Variants in DOCK3 observed in about 807,000 individuals in gnomAD.
DOCK3 encodes dedicator of cytokinesis protein 3.
DOCK3 carries 60 observed loss-of-function variants against 265.6 expected under a neutral mutation model. The observed-to-expected ratio is 0.23, with a 90% confidence interval of 0.18 to 0.28. The LOEUF (loss-of-function observed/expected upper bound fraction) is 0.28, where lower values mean the gene tolerates loss of function less well. Among genes scored for constraint, DOCK3 ranks in the 10% least tolerant of loss-of-function variants. The probability of loss-of-function intolerance (pLI) is 1.00; values close to 1 mark genes in which losing one functional copy is unlikely to be tolerated. For missense variants in DOCK3, 1,981 were observed against 2,594.3 expected (o/e 0.76, Z 5.14); for synonymous variants, 881 against 938.0 (o/e 0.94, Z 1.11).
chr3:50,886,718 C>A (rs2048360951), intron 3 of DOCK3, among the ~76,000 whole-genome samples: 1 of 151,798 alleles, frequency 6.6e-6, no homozygotes, highest in South Asian at 2.1e-4. Context: ...CAATTTCATC[C>A]ATGTCCCTAC....
intron 23 of DOCK3, among the ~76,000 whole-genome samples, chr3:51,263,101 C>T (rs1266854111): frequency 2.0e-5 from 3 of 151,958 alleles, no homozygotes; most frequent in Non-Finnish European, 4.4e-5. Flanking sequence ...GAAGAGCAGC[C>T]CCAAGACACA....
At chr3:50,830,336 C>G (rs1197942465) in intron 2 of DOCK3, among the ~76,000 whole-genome samples, 1 of 152,180 alleles carries the variant, frequency 6.6e-6, no homozygotes, top group Non-Finnish European at 1.5e-5. Flanking sequence ...TGTTATTAAA[C>G]TACTTTTAAT....
chr3:51,069,098 CTT>C (rs2081739737), intron 6 of DOCK3, among the ~76,000 whole-genome samples: 1 of 152,152 alleles, frequency 6.6e-6, no homozygotes, highest in African/African-American at 2.4e-5. Context: ...GTGACTTAAA[CTT>C]ATTGGCCTAT....
chr3:50,848,499 C>T (rs780364610), intron 3 of DOCK3, among the ~76,000 whole-genome samples: 3 of 152,142 alleles, frequency 2.0e-5, no homozygotes, highest in Non-Finnish European at 4.4e-5. Context: ...AACAAATTTC[C>T]TTAGTGCGTG....
At chr3:51,110,891 ATC>A in intron 9 of DOCK3, among the ~76,000 whole-genome samples, 1 of 152,314 alleles carries the variant, frequency 6.6e-6, no homozygotes, top group African/African-American at 2.4e-5. Context: ...AAGTCAGTCT[ATC>A]TCTGTTTTCA....
At chr3:50,989,716 A>G (rs1232437621) in intron 5 of DOCK3, among the ~76,000 whole-genome samples, 2 of 152,238 alleles carry the variant, frequency 1.3e-5, no homozygotes, top group Non-Finnish European at 1.5e-5. Context: ...AACCAATGTA[A>G]GAACTCTGGT....
chr3:50,719,898 C>G, intron 1 of DOCK3: 1 of 616,202 alleles, frequency 1.6e-6, no homozygotes, highest in South Asian at 1.7e-5. Flanking sequence ...GAAACTTTGT[C>G]TGCTAACAGC....
At chr3:50,872,053 TA>T (rs1238766839) in intron 3 of DOCK3, among the ~76,000 whole-genome samples, 1 of 152,240 alleles carries the variant, frequency 6.6e-6, no homozygotes, top group Admixed American at 6.5e-5. Context: ...TTATTTAGTT[TA>T]TTTGGTAAGG....
chr3:51,254,599 T>C (rs575127371), intron 22 of DOCK3, among the ~76,000 whole-genome samples: 3 of 152,396 alleles, frequency 2.0e-5, no homozygotes, highest in African/African-American at 7.2e-5. Flanking sequence ...TCTCATTGAA[T>C]TGATCCCTTT....
At chr3:51,220,670 A>AT (rs1491190890) in intron 14 of DOCK3, among the ~76,000 whole-genome samples, 75 of 108,048 alleles carry the variant, frequency 6.9e-4, no homozygotes, top group Admixed American at 1.8e-3. Flanking sequence ...AAAAAAAAAA[A>AT]ATATATATAT....
rs759290008 is a variant in DOCK3 at position 51,225,658 on chromosome 3, G to A, written c.1262G>A (p.Arg421His). ...FPDVIMPGDI[R>H]NDLYLTLEKG... ...ATTTCTTTCCCCGCAGGTGATATCCGCAATGACCTGTACCTAACCCTGGAG... is the reference window on the plus strand; with the variant it reads ...ATTTCTTTCCCCGCAGGTGATATCCACAATGACCTGTACCTAACCCTGGAG... Residue 421 changes from arginine to histidine, a missense_variant, in exon 15 of 53, where the codon CGC (arginine) becomes CAC (histidine). Coordinates refer to ENST00000266037, the MANE Select transcript of DOCK3 (RefSeq NM_004947.5). 9.9e-6 allele frequency: 16 copies of A among 1,611,224 alleles called. No individual in the cohort carries two copies. The highest frequency in any genetic ancestry group is 2.2e-5 in the East Asian group (1 of 44,810).
At chr3:51,159,769 T>A (rs528873385) in intron 11 of DOCK3, among the ~76,000 whole-genome samples, 3 of 152,252 alleles carry the variant, frequency 2.0e-5, no homozygotes, top group Admixed American at 1.3e-4. Context: ...ATGGATGACA[T>A]TTCACTTCTA....
rs1281468992 is a variant in DOCK3 at position 51,312,514 on chromosome 3, A to G, written c.3132A>G (p.Ile1044Met). 1.9e-6 allele frequency: 3 copies of G among 1,606,812 alleles called. No individual in the cohort carries two copies. Among genetic ancestry groups the G allele is most frequent in the Non-Finnish European group, 2.5e-6 (3 of 1,178,464 alleles). ...NSYFSLAVLF[I>M]NQPSLQLEII... is the part of the protein sequence containing the mutation. Reference sequence around the variant, plus strand: ...ACTTTAGCCTGGCAGTTCTATTCATAAATCAGCCAAGCCTTCAGCTAGAAA... The same window carrying G: ...ACTTTAGCCTGGCAGTTCTATTCATGAATCAGCCAAGCCTTCAGCTAGAAA... Residue 1044 changes from isoleucine (I) to methionine (M), a missense_variant, in exon 30 of 53, where the codon ATA becomes ATG. Coordinates refer to ENST00000266037, the MANE Select transcript of DOCK3 (RefSeq NM_004947.5).
chr3:51,084,283 A>G (rs1333496176), intron 7 of DOCK3, among the ~76,000 whole-genome samples: 2 of 152,212 alleles, frequency 1.3e-5, no homozygotes, highest in Admixed American at 1.3e-4. Context: ...AAAGGTATAT[A>G]TATATAATCA....
intron 2 of DOCK3, among the ~76,000 whole-genome samples, chr3:50,801,413 AT>A (rs1210033888): frequency 8.5e-5 from 13 of 152,174 alleles, no homozygotes; most frequent in African/African-American, 3.1e-4. Flanking sequence ...GGAGCAGATA[AT>A]TGGAATGAGT....
At chr3:51,152,687 T>A (rs2085661454) in intron 10 of DOCK3, among the ~76,000 whole-genome samples, 1 of 152,232 alleles carries the variant, frequency 6.6e-6, no homozygotes, top group African/African-American at 2.4e-5. Flanking sequence ...TTGGTGTTGA[T>A]GTCCTTTTTG....
chr3:50,935,625 G>A (rs984654654), intron 5 of DOCK3, among the ~76,000 whole-genome samples: 1 of 152,200 alleles, frequency 6.6e-6, no homozygotes, highest in South Asian at 2.1e-4. Flanking sequence ...GCATTGGTGA[G>A]GCAGACCCTG....
chr3:51,224,447 G>A (rs1428242278), intron 14 of DOCK3, among the ~76,000 whole-genome samples: 1 of 152,192 alleles, frequency 6.6e-6, no homozygotes, highest in Non-Finnish European at 1.5e-5. Context: ...GTGCAAAAAA[G>A]AGAGCATTGT....
chr3:51,380,986 T>C (rs1047991048), intron 52 of DOCK3, 64 bp from the exon 53 acceptor site: 4 of 1,521,144 alleles, frequency 2.6e-6, no homozygotes, highest in Non-Finnish European at 3.5e-6. Flanking sequence ...TTGGTCTTCC[T>C]ATGGCGGGCA....
Sources: allele counts gnomAD v4.1 joint callset (sites outside exome capture counted in the v4.1 genomes callset), GRCh38; gene constraint gnomAD v4.1.1; transcripts MANE v1.5; gene names NCBI Gene and HGNC (gene_info 2026-07-23, HGNC 2026-07-21).